The following CATSPERB variants were observed in gnomAD, a reference collection of about 807,000 sequenced individuals.
CATSPERB encodes catsper channel auxiliary subunit beta.
In CATSPERB, 93 loss-of-function variants were observed where a neutral mutation model predicts 128.3. The ratio of observed to expected loss-of-function variants is 0.72; its 90% confidence interval spans 0.61 to 0.86. The LOEUF (loss-of-function observed/expected upper bound fraction) is 0.86. Among genes scored for constraint, CATSPERB ranks in the 40% least tolerant of loss-of-function variants. The probability of loss-of-function intolerance (pLI) is 0.00; values close to 1 mark genes in which losing one functional copy is unlikely to be tolerated. For missense variants in CATSPERB, 1,153 were observed against 1,329.5 expected (o/e 0.87, Z 2.06); for synonymous variants, 381 against 448.8 (o/e 0.85, Z 1.91).
chr14:91,714,252 T>A (rs1280670267), intron 5 of CATSPERB, among the ~76,000 whole-genome samples: 2 of 130,314 alleles, frequency 1.5e-5, no homozygotes, highest in African/African-American at 5.9e-5. Flanking sequence ...GGAATCATAC[T>A]AGAGGTCCTA....
At chr14:91,658,585 G>T (rs1023253113) in intron 15 of CATSPERB, among the ~76,000 whole-genome samples, 11 of 149,396 alleles carry the variant, frequency 7.4e-5, no homozygotes, top group Non-Finnish European at 1.6e-4. Context: ...TTCTTGATGT[G>T]ATGGATACCC....
intron 15 of CATSPERB, among the ~76,000 whole-genome samples, chr14:91,646,629 C>T (rs1474699093): frequency 6.6e-6 from 1 of 152,180 alleles, no homozygotes; most frequent in African/African-American, 2.4e-5. Context: ...AATGCTTACT[C>T]TGCTTCAGCT....
chr14:91,636,944 C>G lies in CATSPERB; in HGVS notation c.1588-365G>C, dbSNP rs113521453. Among the ~76,000 whole-genome samples, 902 of 152,228 alleles carry G rather than the reference C, an allele frequency of 5.9e-3. 6 individuals carry two copies. The highest frequency in any genetic ancestry group is 0.021 in the African/African-American group (866 of 41,526). The stretch of plus-strand genomic sequence containing the variant: ...TTGAAGTTTTATTTAGGAAAGGGCC[C>G]GTGAAATCCCTGTCCTCACTTGCTG... On this transcript the variant is annotated intron_variant, in intron 16 of 26. Transcript: ENST00000256343.
chr14:91,681,521 C>T (rs981527199), intron 11 of CATSPERB, among the ~76,000 whole-genome samples: 11 of 152,174 alleles, frequency 7.2e-5, no homozygotes, highest in African/African-American at 2.2e-4. Flanking sequence ...GCAGGTTGAA[C>T]CCTTTTGAGA....
intron 22 of CATSPERB, among the ~76,000 whole-genome samples, chr14:91,601,351 A>G (rs1893604954): frequency 6.6e-6 from 1 of 152,224 alleles, no homozygotes; most frequent in Non-Finnish European, 1.5e-5. Flanking sequence ...TCAGATTACA[A>G]TATATTTTGT....
chr14:91,636,460 G>A lies in CATSPERB; in HGVS notation c.1707C>T (p.Phe569=), dbSNP rs145122456. 31 of 1,614,000 alleles carry A rather than the reference G, an allele frequency of 1.9e-5. No individual in the cohort carries two copies. The East Asian group carries it at 2.0e-4, about 10-fold the overall frequency. ...TCACTTTTCCATAGTGTATATTGCC[G>A]AACTTCTTGCTGTAGATCGTTTCCT... The part of the protein sequence containing the change: ...EPQETIYSKK[F]GNIHYGKVIH... Residue 569 remains phenylalanine, a synonymous_variant, in exon 17 of 27, where the codon TTC becomes TTT. Coordinates refer to ENST00000256343, the MANE Select transcript of CATSPERB (RefSeq NM_024764.4).
intron 16 of CATSPERB, among the ~76,000 whole-genome samples, chr14:91,637,221 C>G (rs1389100879): frequency 6.6e-6 from 1 of 152,132 alleles, no homozygotes; most frequent in South Asian, 2.1e-4. Context: ...CTGGAGTTGA[C>G]TTTGTTGCTA....
intron 7 of CATSPERB, among the ~76,000 whole-genome samples, chr14:91,695,828 A>C (rs538406654): frequency 6.6e-5 from 10 of 152,292 alleles, no homozygotes; most frequent in Non-Finnish European, 1.5e-4. Context: ...TGTTGACTTG[A>C]CCTAAGATTT....
chr14:91,723,251 G>A, intron 3 of CATSPERB, 62 bp from the exon 4 acceptor site: 1 of 1,274,040 alleles, frequency 7.8e-7, no homozygotes, highest in Non-Finnish European at 1.0e-6. Context: ...ACACAAGTTA[G>A]TTAATCTAAA....
chr14:91,683,279 G>C (rs987371960), intron 11 of CATSPERB, among the ~76,000 whole-genome samples: 1 of 152,088 alleles, frequency 6.6e-6, no homozygotes, highest in Admixed American at 6.6e-5. Flanking sequence ...ATTCCATTCT[G>C]GTACCTCCTA....
At chr14:91,587,591 C>T (rs1207508594) in intron 25 of CATSPERB, among the ~76,000 whole-genome samples, 2 of 147,852 alleles carry the variant, frequency 1.4e-5, no homozygotes, top group Admixed American at 1.4e-4. Context: ...TCAAGATGTT[C>T]CCTAATTCTG....
chr14:91,699,543 G>A (rs1296671563), intron 7 of CATSPERB, among the ~76,000 whole-genome samples: 8 of 151,630 alleles, frequency 5.3e-5, no homozygotes, highest in Admixed American at 5.3e-4. Flanking sequence ...TTGCATCCCA[G>A]GAATGAAGCC....
rs1171476037 is a variant in CATSPERB at position 91,610,678 on chromosome 14, C to T, written c.2401-1G>A. On this transcript the variant is annotated splice_acceptor_variant, in intron 20 of 26. Coordinates refer to ENST00000256343, the MANE Select transcript of CATSPERB (RefSeq NM_024764.4). LOFTEE classifies it high-confidence loss of function. ...TAATAAATGCCAGTGAAGTTGAACC[C>T]TGGAAATAACCAAATAAATGAAGGT... 1.2e-6 allele frequency: 2 copies of T among 1,613,560 alleles called. No homozygotes were observed. The highest frequency in any genetic ancestry group is 2.7e-5 in the African/African-American group (2 of 74,874).
In CATSPERB at chr14:91,719,422, G is replaced by T; in HGVS notation, c.366C>A (p.Ser122Arg). The T allele has an allele frequency of 6.2e-7, 1 of 1,609,764 alleles. No individual in the cohort carries two copies. The highest frequency in any genetic ancestry group is 8.5e-7 in the Non-Finnish European group (1 of 1,177,144). Residue 122 changes from serine (S) to arginine (R), a missense_variant, in exon 5 of 27, where the codon AGC (serine) becomes AGA (arginine). Physicochemically the swap from Ser to Arg is moderately radical, Grantham distance 110. Coordinates refer to ENST00000256343, the MANE Select transcript of CATSPERB (RefSeq NM_024764.4). ...VDIPRENITQ[S>R]TDIAAVEEWL... is the part of the protein sequence containing the mutation. ...ATTAATTCAGATCACTCTTACCTGTGCTTTGTGTGATGTTTTCTCTAGGAA... is the reference window on the plus strand; with the variant it reads ...ATTAATTCAGATCACTCTTACCTGTTCTTTGTGTGATGTTTTCTCTAGGAA...
intron 15 of CATSPERB, among the ~76,000 whole-genome samples, chr14:91,640,223 A>C (rs531682669): frequency 2.0e-5 from 3 of 150,722 alleles, no homozygotes; most frequent in African/African-American, 7.3e-5. Flanking sequence ...TTAGCCCAAA[A>C]ACCTCAATGT....
chr14:91,672,022 AAACAACAAC>A (rs35442642), intron 13 of CATSPERB, among the ~76,000 whole-genome samples: 81 of 150,140 alleles, frequency 5.4e-4, no homozygotes, highest in East Asian at 2.0e-3. Context: ...TCTGTCTCAA[AAACAACAAC>A]AACAACAACA....
chr14:91,644,086 T>C (rs1894546748), intron 15 of CATSPERB, among the ~76,000 whole-genome samples: 1 of 137,384 alleles, frequency 7.3e-6, no homozygotes, highest in Non-Finnish European at 1.6e-5. Context: ...CATCTTTTTA[T>C]TTTGAGCCTA....
intron 6 of CATSPERB, among the ~76,000 whole-genome samples, chr14:91,707,797 G>A (rs1236313773): frequency 1.3e-5 from 2 of 148,528 alleles, no homozygotes; most frequent in Non-Finnish European, 3.0e-5. Context: ...AGTAGAGATG[G>A]AGTTTCACCA....
chr14:91,659,003 G>A (rs1287662379), intron 15 of CATSPERB, among the ~76,000 whole-genome samples: 1 of 151,876 alleles, frequency 6.6e-6, no homozygotes, highest in Non-Finnish European at 1.5e-5. Context: ...GGAAAGGAGT[G>A]GGCAACTATC....
Sources: allele counts gnomAD v4.1 joint callset (sites outside exome capture counted in the v4.1 genomes callset), GRCh38; gene constraint gnomAD v4.1.1; transcripts MANE v1.5; gene names NCBI Gene and HGNC (gene_info 2026-07-23, HGNC 2026-07-21).